MDGA2: variants seen among roughly 807,000 people sequenced by gnomAD.
MDGA2 encodes the protein MAM domain containing glycosylphosphatidylinositol anchor 2, also known as MAM domain-containing glycosylphosphatidylinositol anchor protein 2.
MDGA2 carries 40 observed loss-of-function variants against 117.8 expected under a neutral mutation model. The observed-to-expected ratio is 0.34, with a 90% CI of 0.26 to 0.44. The LOEUF is 0.44. MDGA2 is among the 20% of genes least tolerant of loss of function. The probability of loss-of-function intolerance (pLI) is 1.00; values close to 1 mark genes in which losing one functional copy is unlikely to be tolerated. For missense variants in MDGA2, 1,123 were observed against 1,250.6 expected (o/e 0.90, Z 1.54); for synonymous variants, 452 against 439.0 (o/e 1.03, Z -0.37).
intron 1 of MDGA2, among the ~76,000 whole-genome samples, chr14:47,356,767 C>A (rs1223341490): frequency 6.6e-6 from 1 of 152,114 alleles, no homozygotes; most frequent in African/African-American, 2.4e-5. Flanking sequence ...GTAACGGAGG[C>A]AAGTCTGATG....
intron 8 of MDGA2, among the ~76,000 whole-genome samples, chr14:47,024,384 G>C (rs1888399029): frequency 6.6e-6 from 1 of 152,170 alleles, no homozygotes; most frequent in Admixed American, 6.5e-5. Flanking sequence ...TGTTGAAACT[G>C]ATGGGCACAA....
intron 15 of MDGA2, among the ~76,000 whole-genome samples, chr14:46,851,427 C>CCAA: frequency 6.6e-6 from 1 of 151,768 alleles, no homozygotes; most frequent in Admixed American, 6.6e-5. Flanking sequence ...TGTTTTCATC[C>CCAA]CAAGCACTGA....
intron 1 of MDGA2, among the ~76,000 whole-genome samples, chr14:47,389,153 TCAAATACATCCAGCACAGTACTAG>T (rs59133889): frequency 0.031 from 4,722 of 152,272 alleles, 269 homozygotes; most frequent in African/African-American, 0.11. Context: ...CAAAAAATTT[TCAAATACATCCAGCACAGTACTAG>T]CAAATAGCTG....
intron 10 of MDGA2, among the ~76,000 whole-genome samples, chr14:46,913,124 CA>C (rs924832677): frequency 1.9e-4 from 29 of 152,186 alleles, no homozygotes; most frequent in African/African-American, 6.7e-4. Flanking sequence ...TTCCCCAAAA[CA>C]AAGTCAAAAT....
intron 1 of MDGA2, among the ~76,000 whole-genome samples, chr14:47,533,842 T>C (rs1895151866): frequency 1.3e-5 from 2 of 152,202 alleles, no homozygotes; most frequent in African/African-American, 4.8e-5. Flanking sequence ...GTCCCAAATA[T>C]CTATTTGTTA....
chr14:47,076,678 A>G (rs1566610022), intron 6 of MDGA2, among the ~76,000 whole-genome samples: 1 of 151,966 alleles, frequency 6.6e-6, no homozygotes, highest in Non-Finnish European at 1.5e-5. Context: ...CATATTTGAA[A>G]TCGTACTATA....
rs140453656 is a variant in MDGA2 at position 46,972,224 on chromosome 14, T to C, written c.1820-14581A>G. Reference sequence around the variant, plus strand: ...TTACTGTGAGAATTAAACTGAATTGTTGAATACCCAGTTAGTGCTGGAGAA... The same window carrying C: ...TTACTGTGAGAATTAAACTGAATTGCTGAATACCCAGTTAGTGCTGGAGAA... On this transcript the variant is annotated intron_variant, in intron 8 of 16. Coordinates refer to ENST00000399232, the MANE Select transcript of MDGA2 (RefSeq NM_001113498.3). 6.6e-5 allele frequency among the ~76,000 whole-genome samples: 10 copies of C among 152,254 alleles called. No individual in the cohort carries two copies. The East Asian group carries it at 9.7e-4, about 15-fold the overall frequency.
chr14:47,240,330 C>G (rs565157882), intron 2 of MDGA2, among the ~76,000 whole-genome samples: 13 of 151,950 alleles, frequency 8.6e-5, no homozygotes, highest in Admixed American at 8.5e-4. Flanking sequence ...AGGTGTGAGC[C>G]ACCACGCCCA....
intron 8 of MDGA2, among the ~76,000 whole-genome samples, chr14:47,027,629 A>T (rs973462826): frequency 2.0e-5 from 3 of 146,998 alleles, no homozygotes; most frequent in East Asian, 2.0e-4. Flanking sequence ...ATTATATATT[A>T]TATATATATA....
intron 1 of MDGA2, among the ~76,000 whole-genome samples, chr14:47,539,693 T>C (rs1416406877): frequency 6.6e-6 from 1 of 152,212 alleles, no homozygotes; most frequent in Non-Finnish European, 1.5e-5. Context: ...GGGATAGTTA[T>C]ATAAGGTAAA....
intron 1 of MDGA2, among the ~76,000 whole-genome samples, chr14:47,628,963 A>C (rs1897203634): frequency 6.6e-6 from 1 of 152,222 alleles, no homozygotes; most frequent in Admixed American, 6.5e-5. Flanking sequence ...CTCTCCATGG[A>C]GTACACAGAG....
At chr14:46,861,875 G>T (rs1343906826) in intron 14 of MDGA2, among the ~76,000 whole-genome samples, 1 of 151,890 alleles carries the variant, frequency 6.6e-6, no homozygotes, top group Non-Finnish European at 1.5e-5. Flanking sequence ...TTAAACTTAT[G>T]TCAAGTCATC....
chr14:47,294,295 T>A (rs1278411977), intron 2 of MDGA2, among the ~76,000 whole-genome samples: 1 of 151,806 alleles, frequency 6.6e-6, no homozygotes, highest in Non-Finnish European at 1.5e-5. Context: ...CAAGGTTTCG[T>A]CATGTTGCCC....
At chr14:47,328,295 T>G (rs1225808910) in intron 1 of MDGA2, among the ~76,000 whole-genome samples, 1 of 152,116 alleles carries the variant, frequency 6.6e-6, no homozygotes, top group Non-Finnish European at 1.5e-5. Flanking sequence ...CTCCACACAG[T>G]ATTTGTCAAC....
intron 1 of MDGA2, among the ~76,000 whole-genome samples, chr14:47,405,061 T>A (rs1198690027): frequency 2.6e-5 from 4 of 152,192 alleles, no homozygotes; most frequent in Non-Finnish European, 5.9e-5. Context: ...ATCGGTGCTT[T>A]CTAAGCAATA....
chr14:47,629,374 G>A (rs1370257311), intron 1 of MDGA2, among the ~76,000 whole-genome samples: 2 of 152,116 alleles, frequency 1.3e-5, no homozygotes, highest in African/African-American at 4.8e-5. Flanking sequence ...AACTATTATG[G>A]TCTGCATTTG....
At chr14:47,482,415 G>T (rs1186234414) in intron 1 of MDGA2, among the ~76,000 whole-genome samples, 2 of 151,920 alleles carry the variant, frequency 1.3e-5, no homozygotes, top group Non-Finnish European at 2.9e-5. Context: ...AACACCAAAC[G>T]GAAATTAGTT....
chr14:46,945,253 C>A (rs1158824050), intron 9 of MDGA2, among the ~76,000 whole-genome samples: 1 of 152,074 alleles, frequency 6.6e-6, no homozygotes, highest in African/African-American at 2.4e-5. Context: ...CGTTAAAATT[C>A]CGCCTCCCTC....
At chr14:47,370,908 G>T (rs553204133) in intron 1 of MDGA2, among the ~76,000 whole-genome samples, 10 of 151,678 alleles carry the variant, frequency 6.6e-5, no homozygotes, top group African/African-American at 1.9e-4. Context: ...ATACTGTCCT[G>T]AATGTACATT....
Sources: gnomAD v4.1 joint callset for allele counts (sites outside exome capture counted in the v4.1 genomes callset) on GRCh38, gnomAD v4.1.1 for gene constraint, MANE v1.5 for transcripts, NCBI Gene and HGNC (gene_info 2026-07-23, HGNC 2026-07-21) for gene names.